The following UBE2E2 variants were observed in gnomAD, a reference collection of about 807,000 sequenced individuals.
UBE2E2 encodes the protein ubiquitin-conjugating enzyme E2 E2.
A neutral mutation model predicts 24.7 loss-of-function variants in UBE2E2; 6 were observed. The ratio of observed to expected loss-of-function variants is 0.24; its 90% CI spans 0.13 to 0.48. UBE2E2 has a LOEUF of 0.48. UBE2E2 is among the 20% of genes least tolerant of loss of function. UBE2E2 has a pLI of 0.99. For synonymous variants in UBE2E2, 104 were observed against 83.6 expected, an observed-to-expected ratio of 1.24 and a Z score of -1.33; for missense variants, 169 against 245.0, an observed-to-expected ratio of 0.69 and a Z score of 2.07.
At position 23,419,432 on chromosome 3, in the gene UBE2E2, T is replaced by A. The variant is rs540124390; in HGVS notation, c.228-80176T>A. On this transcript the variant is annotated intron_variant, in intron 3 of 5. Coordinates refer to ENST00000396703, the MANE Select transcript of UBE2E2 (RefSeq NM_152653.4). The stretch of plus-strand genomic sequence containing the variant: ...ACAGTGATGAGTTGTCAACATGTAG[T>A]ACACTTTCTTTACCAGATCTCCCTA... Among the ~76,000 whole-genome samples, 8 of 152,350 alleles carry A rather than the reference T, an allele frequency of 5.3e-5. No homozygotes were observed. The South Asian group carries it at 1.7e-3, about 32-fold the overall frequency.
At chr3:23,400,623 C>CACACACACACACCT (rs1697199631) in intron 3 of UBE2E2, among the ~76,000 whole-genome samples, 2 of 151,260 alleles carry the variant, frequency 1.3e-5, no homozygotes, top group East Asian at 3.9e-4. Context: ...CACACACACA[C>CACACACACACACCT]ACACACACAC....
At chr3:23,355,208 C>A (rs6796927) in intron 3 of UBE2E2, among the ~76,000 whole-genome samples, 121,457 of 144,926 alleles carry the variant, frequency 0.84, 50,911 homozygotes, top group African/African-American at 0.89. Context: ...GAAGGGGAAC[C>A]TCACACTCTG....
At chr3:23,501,618 C>A (rs1699721784) in intron 4 of UBE2E2, among the ~76,000 whole-genome samples, 1 of 152,174 alleles carries the variant, frequency 6.6e-6, no homozygotes, top group African/African-American at 2.4e-5. Flanking sequence ...TCTGTCCTCA[C>A]ATGTTTTAGG....
At chr3:23,204,563 C>T in intron 1 of UBE2E2, 1 of 357,044 alleles carries the variant, frequency 2.8e-6, no homozygotes, top group Non-Finnish European at 3.9e-6. Flanking sequence ...CTTTGTGAAT[C>T]TAAATATTTG....
intron 3 of UBE2E2, among the ~76,000 whole-genome samples, chr3:23,429,987 C>A (rs1466741326): frequency 6.6e-6 from 1 of 152,100 alleles, no homozygotes; most frequent in Non-Finnish European, 1.5e-5. Context: ...TTCAAGCAAT[C>A]CTCCCACCTC....
chr3:23,484,505 C>T (rs771150838), intron 3 of UBE2E2, among the ~76,000 whole-genome samples: 3 of 152,046 alleles, frequency 2.0e-5, no homozygotes, highest in South Asian at 2.1e-4. Flanking sequence ...GGAACAAATA[C>T]GTCTTACCTT....
At position 23,590,576 on chromosome 3, in the gene UBE2E2, C is replaced by T. The variant is rs911570013; in HGVS notation, c.*745C>T. ...CTCAATAAATCACTGTGGCTGATAA[C>T]TGCACTTCTGGTAACCCGACATTTG... On this transcript the variant is annotated 3_prime_UTR_variant, in exon 6 of 6. Coordinates refer to ENST00000396703, the MANE Select transcript of UBE2E2 (RefSeq NM_152653.4). 5.9e-5 allele frequency: 9 copies of T among 152,658 alleles called. No individual in the cohort carries two copies. The highest frequency in any genetic ancestry group is 2.2e-4 in the African/African-American group (9 of 41,460). 9.5% of individuals were successfully genotyped at this position (152,658 alleles called of 1,614,324 possible). A position where few individuals can be genotyped will look rare whatever the true frequency, so the allele number is the denominator to read the frequency against.
chr3:23,504,157 C>T (rs565694271), intron 4 of UBE2E2, among the ~76,000 whole-genome samples: 2 of 152,246 alleles, frequency 1.3e-5, no homozygotes, highest in East Asian at 3.9e-4. Context: ...AACACACATA[C>T]ACCTTTTTAC....
At chr3:23,230,885 C>T (rs1024103730) in intron 3 of UBE2E2, among the ~76,000 whole-genome samples, 4 of 151,538 alleles carry the variant, frequency 2.6e-5, no homozygotes, top group Non-Finnish European at 5.9e-5. Context: ...CCTTAACATT[C>T]TTTATTAAGC....
chr3:23,303,334 A>G (rs980839957), intron 3 of UBE2E2, among the ~76,000 whole-genome samples: 26 of 152,184 alleles, frequency 1.7e-4, no homozygotes, highest in African/African-American at 6.3e-4. Flanking sequence ...CACAACAACT[A>G]TAATGAGCTT....
chr3:23,442,798 G>T (rs1348895676), intron 3 of UBE2E2, among the ~76,000 whole-genome samples: 3 of 152,168 alleles, frequency 2.0e-5, no homozygotes, highest in Non-Finnish European at 4.4e-5. Flanking sequence ...CGTGGTTACT[G>T]ATTCTTCTGC....
chr3:23,552,578 A>G (rs1016019956), intron 5 of UBE2E2, among the ~76,000 whole-genome samples: 59 of 152,214 alleles, frequency 3.9e-4, no homozygotes, highest in African/African-American at 1.4e-3. Context: ...CAAGAAATAA[A>G]TAGGAGTTAG....
chr3:23,217,992 G>T (rs1403165300), intron 3 of UBE2E2, among the ~76,000 whole-genome samples: 1 of 152,068 alleles, frequency 6.6e-6, no homozygotes, highest in Non-Finnish European at 1.5e-5. Context: ...GAAGATGGCT[G>T]TTTGGTTATT....
At chr3:23,373,691 A>T (rs1218945772) in intron 3 of UBE2E2, among the ~76,000 whole-genome samples, 1 of 151,946 alleles carries the variant, frequency 6.6e-6, no homozygotes, top group Non-Finnish European at 1.5e-5. Flanking sequence ...ATAATAGTCT[A>T]CTCTTATGCT....
intron 3 of UBE2E2, among the ~76,000 whole-genome samples, chr3:23,483,381 A>G (rs1699295534): frequency 6.6e-6 from 1 of 152,222 alleles, no homozygotes; most frequent in Non-Finnish European, 1.5e-5. Flanking sequence ...CAGACACTAC[A>G]TTTGACACTG....
intron 5 of UBE2E2, among the ~76,000 whole-genome samples, chr3:23,568,537 T>C (rs897034369): frequency 6.6e-6 from 1 of 151,020 alleles, no homozygotes; most frequent in Non-Finnish European, 1.5e-5. Flanking sequence ...AAAGAGAATT[T>C]ATTTTCTCTG....
intron 5 of UBE2E2, among the ~76,000 whole-genome samples, chr3:23,566,219 A>T (rs1439224113): frequency 6.6e-6 from 1 of 152,218 alleles, no homozygotes; most frequent in East Asian, 1.9e-4. Context: ...AGACAATAGT[A>T]TGATAAGAAC....
At chr3:23,322,321 T>TA (rs1491399941) in intron 3 of UBE2E2, among the ~76,000 whole-genome samples, 1 of 152,148 alleles carries the variant, frequency 6.6e-6, no homozygotes, top group Non-Finnish European at 1.5e-5. Flanking sequence ...TTTAAAACTT[T>TA]AAAAAACTTT....
chr3:23,495,300 T>A (rs1348647817), intron 3 of UBE2E2, among the ~76,000 whole-genome samples: 1 of 152,182 alleles, frequency 6.6e-6, no homozygotes, highest in African/African-American at 2.4e-5. Flanking sequence ...GAGTTTATGT[T>A]ATCTGCAGAC....
Sources: gnomAD v4.1 joint callset for allele counts (sites outside exome capture counted in the v4.1 genomes callset) on GRCh38, gnomAD v4.1.1 for gene constraint, MANE v1.5 for transcripts, NCBI Gene and HGNC (gene_info 2026-07-23, HGNC 2026-07-21) for gene names.